NID2: variants seen among roughly 807,000 people sequenced by gnomAD.
The protein encoded by NID2 is nidogen-2.
In NID2, 83 loss-of-function variants were observed where a neutral mutation model predicts 145.4. The ratio of observed to expected loss-of-function variants is 0.57; its 90% CI spans 0.48 to 0.69. The LOEUF (loss-of-function observed/expected upper bound fraction) is 0.69. Among genes scored for constraint, NID2 ranks in the 30% least tolerant of loss-of-function variants. The pLI, the probability that NID2 is intolerant of heterozygous loss-of-function variation, is 0.00. For missense variants in NID2, 1,807 were observed against 1,765.7 expected (o/e 1.02, Z -0.42); for synonymous variants, 739 against 701.3 (o/e 1.05, Z -0.85).
At chr14:52,024,206 T>C (rs1174904602) in intron 12 of NID2, among the ~76,000 whole-genome samples, 4 of 152,226 alleles carry the variant, frequency 2.6e-5, no homozygotes, top group Admixed American at 2.0e-4. Flanking sequence ...CAACAGTCCC[T>C]ACCTAGTGGT....
intron 12 of NID2, among the ~76,000 whole-genome samples, chr14:52,025,970 A>C (rs974366316): frequency 6.6e-6 from 1 of 152,254 alleles, no homozygotes; most frequent in African/African-American, 2.4e-5. Context: ...GGGTTAGTTC[A>C]GCATAAATTG....
intron 8 of NID2, among the ~76,000 whole-genome samples, chr14:52,039,432 C>G (rs1011040303): frequency 6.6e-6 from 1 of 152,244 alleles, no homozygotes; most frequent in Non-Finnish European, 1.5e-5. Context: ...TTCTACATTT[C>G]ACAGAAGTGA....
chr14:52,042,716 G>C (rs999720516), intron 6 of NID2, 66 bp downstream of exon 6: 6 of 1,524,076 alleles, frequency 3.9e-6, no homozygotes, highest in African/African-American at 2.7e-5. Context: ...AGAGCTCACA[G>C]TGGTAGCTGG....
At chr14:52,049,575 C>CAA (rs11316906) in intron 5 of NID2, among the ~76,000 whole-genome samples, 121 of 149,292 alleles carry the variant, frequency 8.1e-4, no homozygotes, top group African/African-American at 2.7e-3. Flanking sequence ...ACTGCTACCT[C>CAA]AAAAAAAAAA....
At chr14:52,011,489 C>T (rs1410527730) in intron 17 of NID2, 65 bp downstream of exon 17, 26 of 1,602,036 alleles carry the variant, frequency 1.6e-5, no homozygotes, top group Middle Eastern at 1.7e-4. Flanking sequence ...GAGACTTCGG[C>T]GTAAAGTAGA....
chr14:52,005,469 C>G lies in NID2; in HGVS notation c.*17G>C. On this transcript the variant is annotated 3_prime_UTR_variant, in exon 22 of 22. Coordinates refer to ENST00000216286, the MANE Select transcript of NID2 (RefSeq NM_007361.4). ...GTTCTGATTGTAAACTCCAAGTCTT[C>G]CTTTACATTACTGTACTTACTTTCT... 1 of 1,585,178 alleles carries G rather than the reference C, an allele frequency of 6.3e-7. No individual in the cohort carries two copies. The highest frequency in any genetic ancestry group is 8.6e-7 in the Non-Finnish European group (1 of 1,168,558).
intron 7 of NID2, among the ~76,000 whole-genome samples, chr14:52,041,553 T>C (rs1892279739): frequency 1.3e-5 from 2 of 152,236 alleles, no homozygotes; most frequent in Admixed American, 1.3e-4. Flanking sequence ...CCAGCAACAC[T>C]GGTACCTCAC....
chr14:52,020,259 G>T (rs1228779839), intron 12 of NID2, 81 bp from the exon 13 acceptor site: 2 of 1,578,550 alleles, frequency 1.3e-6, no homozygotes, highest in Non-Finnish European at 1.7e-6. Flanking sequence ...CATGGGCTTT[G>T]GATATGTGGA....
rs752145369 is a variant in NID2 at position 52,020,128 on chromosome 14, T to C, written c.2725A>G (p.Asn909Asp). The change falls in exon 13 of 22, where the codon AAT (asparagine) becomes GAT (aspartate). Residue 909 changes from asparagine to aspartate, a missense_variant. Physicochemically the swap from Asn to Asp is conservative, Grantham distance 23. Coordinates refer to ENST00000216286, the MANE Select transcript of NID2 (RefSeq NM_007361.4). ...NRCHPAATCYNTPGSFSCRCQ... is the reference protein window; with the variant it reads ...NRCHPAATCYDTPGSFSCRCQ... ...CGGCAGGAGAAGGAACCAGGAGTAT[T>C]GTAGCAGGTAGCTGCAGGGTGACAT... 6.8e-6 allele frequency: 11 copies of C among 1,614,152 alleles called. No individual in the cohort carries two copies. The highest frequency in any genetic ancestry group is 9.3e-6 in the Non-Finnish European group (11 of 1,179,972).
chr14:52,005,985 T>C (rs1890763771), intron 20 of NID2, 136 bp from the exon 21 acceptor site: 11 of 651,070 alleles, frequency 1.7e-5, no homozygotes, highest in Non-Finnish European at 3.0e-5. Flanking sequence ...GCTAAAGCCA[T>C]ACTGAAGTTT....
chr14:52,045,004 G>A (rs568484299), intron 5 of NID2, among the ~76,000 whole-genome samples: 3 of 152,070 alleles, frequency 2.0e-5, no homozygotes, highest in Non-Finnish European at 4.4e-5. Context: ...GCAGTGAGTG[G>A]CAAAGGTGGG....
At chr14:52,041,895 C>T (rs553943503) in intron 7 of NID2, among the ~76,000 whole-genome samples, 1 of 152,342 alleles carries the variant, frequency 6.6e-6, no homozygotes, top group East Asian at 1.9e-4. Context: ...GCTGGGAGAA[C>T]ATTTAGACGA....
intron 9 of NID2, among the ~76,000 whole-genome samples, chr14:52,031,874 T>C (rs1891882873): frequency 6.6e-6 from 1 of 152,244 alleles, no homozygotes; most frequent in Non-Finnish European, 1.5e-5. Context: ...TTGTAACAGA[T>C]GCTGACTCAG....
At position 52,027,317 on chromosome 14, in the gene NID2, T is replaced by C; in HGVS notation, c.2558A>G (p.Glu853Gly). The change falls in exon 12 of 22, where the codon GAG becomes GGG. Residue 853 changes from glutamate (E) to glycine (G), a missense_variant. By Grantham distance (98) the Glu-to-Gly change is moderately conservative. Transcript: ENST00000216286. Reference protein sequence around the residue: ...ILITPPANPCEDGSHTCAPAG... With the variant: ...ILITPPANPCGDGSHTCAPAG... ...AGGAGCACAGGTATGACTGCCATCCTCACAGGGGTTGGCAGGTGGGGTGAT... is the reference window on the plus strand; with the variant it reads ...AGGAGCACAGGTATGACTGCCATCCCCACAGGGGTTGGCAGGTGGGGTGAT... 1 of 1,584,814 alleles carries C rather than the reference T, an allele frequency of 6.3e-7. No individual in the cohort carries two copies. Among genetic ancestry groups the C allele is most frequent in the Non-Finnish European group, 8.6e-7 (1 of 1,167,122 alleles).
At chr14:52,016,184 C>T (rs1891208910) in intron 14 of NID2, among the ~76,000 whole-genome samples, 1 of 152,194 alleles carries the variant, frequency 6.6e-6, no homozygotes, top group African/African-American at 2.4e-5. Context: ...GTCCAAAATA[C>T]AGGTTGTTCT....
At chr14:52,022,236 C>A (rs556225944) in intron 12 of NID2, among the ~76,000 whole-genome samples, 1 of 150,672 alleles carries the variant, frequency 6.6e-6, no homozygotes, top group African/African-American at 2.5e-5. Context: ...CCCACAGATA[C>A]TGTTGGCATC....
At chr14:52,065,238 G>A (rs952037995) in intron 2 of NID2, among the ~76,000 whole-genome samples, 18 of 152,272 alleles carry the variant, frequency 1.2e-4, no homozygotes, top group African/African-American at 4.3e-4. Flanking sequence ...GAATCTTCCA[G>A]TTTCCAGTAA....
At chr14:52,006,807 G>T in intron 19 of NID2, 147 bp from the exon 20 acceptor site, 1 of 748,324 alleles carries the variant, frequency 1.3e-6, no homozygotes. Flanking sequence ...AAAATTACCT[G>T]TCCTATTACT....
intron 5 of NID2, among the ~76,000 whole-genome samples, chr14:52,048,013 G>A (rs928036911): frequency 2.0e-5 from 3 of 152,250 alleles, no homozygotes; most frequent in South Asian, 2.1e-4. Flanking sequence ...TAGCCACCCC[G>A]CCAGTGATTC....
Sources: gnomAD v4.1 joint callset for allele counts (sites outside exome capture counted in the v4.1 genomes callset) on GRCh38, gnomAD v4.1.1 for gene constraint, MANE v1.5 for transcripts, NCBI Gene and HGNC (gene_info 2026-07-23, HGNC 2026-07-21) for gene names.